SUGCT: variants seen among roughly 807,000 people sequenced by gnomAD.
SUGCT encodes succinyl-CoA:glutarate-CoA transferase, also known as succinyl-CoA:glutarate CoA-transferase.
SUGCT carries 41 observed loss-of-function variants against 55.0 expected under a neutral mutation model. The ratio of observed to expected loss-of-function variants is 0.74; its 90% CI spans 0.58 to 0.97. SUGCT has a LOEUF of 0.97. Among genes scored for constraint, SUGCT ranks in the 50% least tolerant of loss-of-function variants. The pLI is 0.00. For missense variants in SUGCT, 568 were observed against 547.8 expected, an observed-to-expected ratio of 1.04 and a Z score of -0.37; for synonymous variants, 187 against 200.4, an observed-to-expected ratio of 0.93 and a Z score of 0.56.
intron 9 of SUGCT, among the ~76,000 whole-genome samples, chr7:40,446,806 T>A (rs1049237549): frequency 1.3e-5 from 2 of 152,170 alleles, no homozygotes; most frequent in African/African-American, 2.4e-5. Context: ...CTACCAGCAC[T>A]GTATAAAATA....
At chr7:40,330,293 T>C (rs549227618) in intron 9 of SUGCT, among the ~76,000 whole-genome samples, 1 of 152,164 alleles carries the variant, frequency 6.6e-6, no homozygotes, top group African/African-American at 2.4e-5. Context: ...AAATGTAATC[T>C]TGTAGGGAGT....
intron 12 of SUGCT, among the ~76,000 whole-genome samples, chr7:40,511,372 C>T (rs1359562580): frequency 6.6e-6 from 1 of 152,124 alleles, no homozygotes; most frequent in Non-Finnish European, 1.5e-5. Context: ...GCCTGAAGAA[C>T]AGTTTCAGAC....
intron 13 of SUGCT, among the ~76,000 whole-genome samples, chr7:40,795,537 GA>G (rs1790510151): frequency 6.6e-6 from 1 of 152,178 alleles, no homozygotes; most frequent in Non-Finnish European, 1.5e-5. Context: ...ATCTTAAGTA[GA>G]AAAGCAGGGG....
At chr7:40,331,018 T>A in intron 9 of SUGCT, among the ~76,000 whole-genome samples, 1 of 152,148 alleles carries the variant, frequency 6.6e-6, no homozygotes, top group African/African-American at 2.4e-5. Context: ...AGAAGAATTG[T>A]CTTGGGCCAC....
rs1237906018 is a variant in SUGCT at position 40,668,439 on chromosome 7, A to G, written c.1090-80995A>G. ...ATATTTTTGTCTTGGGGATCTTTTC[A>G]TTGATTCATTCTCTAAAACAGAATT... On this transcript the variant is annotated intron_variant, in intron 12 of 13. Transcript: ENST00000335693. 3.9e-5 allele frequency among the ~76,000 whole-genome samples: 6 copies of G among 152,242 alleles called. 1 individual carries two copies. In the South Asian group the frequency reaches 6.2e-4, roughly 16 times the overall value.
intron 12 of SUGCT, among the ~76,000 whole-genome samples, chr7:40,613,944 A>G (rs191481364): frequency 2.0e-5 from 3 of 152,236 alleles, no homozygotes; most frequent in Admixed American, 2.0e-4. Context: ...AGTGCATACT[A>G]TGGGTTACAG....
chr7:40,144,277 G>A (rs1413492881), intron 1 of SUGCT, among the ~76,000 whole-genome samples: 1 of 152,220 alleles, frequency 6.6e-6, no homozygotes, highest in Non-Finnish European at 1.5e-5. Flanking sequence ...ATAGTTTGAA[G>A]AGAAATTGAC....
chr7:40,899,890 C>T, the SUGCT span, among the ~76,000 whole-genome samples: 1 of 152,208 alleles, frequency 6.6e-6, no homozygotes, highest in East Asian at 1.9e-4. Flanking sequence ...ACACAGCACT[C>T]TGCTCCAGAG....
intron 12 of SUGCT, among the ~76,000 whole-genome samples, chr7:40,738,347 C>G (rs1209193139): frequency 6.6e-6 from 1 of 151,866 alleles, no homozygotes; most frequent in Non-Finnish European, 1.5e-5. Context: ...AAGTAAGATT[C>G]TAAGATGAAT....
At chr7:40,899,704 TC>T in the SUGCT span, among the ~76,000 whole-genome samples, 19 of 152,150 alleles carry the variant, frequency 1.2e-4, no homozygotes, top group Admixed American at 7.2e-4. Context: ...CACAGTTTTT[TC>T]TTAAGGAAAT....
At chr7:40,431,643 C>G (rs1012132029) in intron 9 of SUGCT, among the ~76,000 whole-genome samples, 1 of 152,102 alleles carries the variant, frequency 6.6e-6, no homozygotes, top group Non-Finnish European at 1.5e-5. Flanking sequence ...GTGTAGAGTT[C>G]TTTCACTGCC....
intron 7 of SUGCT, among the ~76,000 whole-genome samples, chr7:40,258,482 G>A (rs1022682205): frequency 6.6e-6 from 1 of 152,160 alleles, no homozygotes; most frequent in East Asian, 1.9e-4. Context: ...GGGTTCAAGC[G>A]ATAATCCTGC....
At chr7:40,454,070 C>T (rs1466886914) in intron 10 of SUGCT, among the ~76,000 whole-genome samples, 1 of 152,000 alleles carries the variant, frequency 6.6e-6, no homozygotes, top group Non-Finnish European at 1.5e-5. Flanking sequence ...TGACAAGGAA[C>T]TTAAAGATAG....
Position 40,449,312 on chromosome 7 carries a change from T to G in SUGCT, c.842T>G (p.Ile281Ser), listed in dbSNP as rs774843411. The part of the protein sequence containing the change: ...YQAFKTKDGY[I>S]VVGAGNNQQF... ...GCTTTTAAAACCAAGGATGGCTATATTGTAGTTGGAGCAGGAAATAACCAG... is the reference window on the plus strand; with the variant it reads ...GCTTTTAAAACCAAGGATGGCTATAGTGTAGTTGGAGCAGGAAATAACCAG... Residue 281 changes from isoleucine to serine, a missense_variant, in exon 10 of 14, where the codon ATT becomes AGT. Transcript: ENST00000335693. The G allele has an allele frequency of 6.2e-7, 1 of 1,612,256 alleles. No individual in the cohort carries two copies. The highest frequency in any genetic ancestry group is 2.2e-5 in the East Asian group (1 of 44,824).
chr7:40,159,665 G>C (rs1335157254), intron 1 of SUGCT, among the ~76,000 whole-genome samples: 2 of 152,086 alleles, frequency 1.3e-5, no homozygotes, highest in South Asian at 2.1e-4. Context: ...CACCGTGCCT[G>C]GCCGGATTCT....
chr7:40,975,022 T>C, the SUGCT span, among the ~76,000 whole-genome samples: 1 of 152,310 alleles, frequency 6.6e-6, no homozygotes, highest in Admixed American at 6.5e-5. Context: ...AGGTGGTCAA[T>C]AAACTCTTGT....
chr7:40,197,590 T>C (rs900188709), intron 6 of SUGCT, among the ~76,000 whole-genome samples: 5 of 152,138 alleles, frequency 3.3e-5, no homozygotes, highest in Non-Finnish European at 7.4e-5. Context: ...TCTCCCCTCA[T>C]AGGGAAAGGT....
At chr7:40,391,228 G>A (rs1295643552) in intron 9 of SUGCT, among the ~76,000 whole-genome samples, 3 of 152,152 alleles carry the variant, frequency 2.0e-5, no homozygotes, top group Non-Finnish European at 4.4e-5. Context: ...GCAAGGGAAG[G>A]ACTTCATGAC....
At chr7:40,386,004 G>A (rs1272412717) in intron 9 of SUGCT, among the ~76,000 whole-genome samples, 1 of 152,152 alleles carries the variant, frequency 6.6e-6, no homozygotes, top group East Asian at 1.9e-4. Context: ...CTTTAAAAAT[G>A]TAATTACTAC....
Sources: allele counts gnomAD v4.1 joint callset (sites outside exome capture counted in the v4.1 genomes callset), GRCh38; gene constraint gnomAD v4.1.1; transcripts MANE v1.5; gene names NCBI Gene and HGNC (gene_info 2026-07-23, HGNC 2026-07-21).